The following ABHD13 variants were observed in gnomAD, a reference collection of about 807,000 sequenced individuals.
The protein encoded by ABHD13 is abhydrolase domain containing 13.
A neutral mutation model predicts 25.2 loss-of-function variants in ABHD13; 7 were observed. That is an observed-to-expected ratio of 0.28 (90% confidence interval 0.16 to 0.52). ABHD13 has a LOEUF of 0.52. Ranked by LOEUF, ABHD13 falls within the 20% of genes least tolerant of loss-of-function variation. ABHD13 has a pLI of 0.96. For synonymous variants in ABHD13, 133 were observed against 136.1 expected, an observed-to-expected ratio of 0.98 and a Z score of 0.16; for missense variants, 302 against 402.7, an observed-to-expected ratio of 0.75 and a Z score of 2.14.
At chr13:108,227,692 G>A (rs1879703809) in intron 1 of ABHD13, among the ~76,000 whole-genome samples, 1 of 152,008 alleles carries the variant, frequency 6.6e-6, no homozygotes, top group Non-Finnish European at 1.5e-5. Flanking sequence ...TAACATTTAT[G>A]AATGATCTCA....
rs1879830431 is a variant in ABHD13, at chr13:108,232,569, T to C, written c.*2337T>C. 6.0e-6 allele frequency: 1 copy of C among 166,902 alleles called. No homozygotes were observed. The highest frequency in any genetic ancestry group is 1.5e-5 in the Non-Finnish European group (1 of 68,038). 10.3% of individuals were successfully genotyped at this position (166,902 alleles called of 1,614,324 possible). On this transcript the variant is annotated 3_prime_UTR_variant, in exon 2 of 2. Coordinates refer to ENST00000375898, the MANE Select transcript of ABHD13 (RefSeq NM_032859.3). ...ATGAGACTTCTTCAGGAGTCACTCC[T>C]TTACTGTGGACCCATTGCTTAGTGG...
Position 108,230,452 on chromosome 13 carries a change from ATG to A in ABHD13, c.*222_*223del. ...TTTCATCAAAACTTTCAGTGTGATT[ATG>A]TATTCATATCTTCAGTTTAATATGT... On this transcript the variant is annotated 3_prime_UTR_variant, in exon 2 of 2. Transcript: ENST00000375898. The A allele has an allele frequency of 2.1e-6, 1 of 470,610 alleles. No homozygotes were observed. The highest frequency in any genetic ancestry group is 3.9e-6 in the Non-Finnish European group (1 of 256,376). 29.2% of individuals were successfully genotyped at this position (470,610 alleles called of 1,614,324 possible).
Position 108,231,279 on chromosome 13 carries a change from A to G in ABHD13, c.*1047A>G, listed in dbSNP as rs1224046569. ...GAAAATAAAAGTTACAAAATCCAAC[A>G]ACAACAACAACAAAACAATGTTCTT... is the stretch of plus-strand genomic sequence containing the variant. On this transcript the variant is annotated 3_prime_UTR_variant, in exon 2 of 2. Coordinates refer to ENST00000375898, the MANE Select transcript of ABHD13 (RefSeq NM_032859.3). 1.2e-5 allele frequency: 2 copies of G among 166,782 alleles called. No individual in the cohort carries two copies. The highest frequency in any genetic ancestry group is 2.4e-5 in the African/African-American group (1 of 41,396). The allele number at this position is 166,782 out of a possible 1,614,324, so 10.3% of individuals were successfully genotyped here.
At chr13:108,227,266 A>C in intron 1 of ABHD13, among the ~76,000 whole-genome samples, 1 of 152,240 alleles carries the variant, frequency 6.6e-6, no homozygotes, top group African/African-American at 2.4e-5. Flanking sequence ...TGCTCAGAAT[A>C]CTTTTTTTAA....
intron 1 of ABHD13, among the ~76,000 whole-genome samples, chr13:108,219,535 T>A (rs1879499441): frequency 1.3e-5 from 2 of 152,204 alleles, no homozygotes; most frequent in African/African-American, 4.8e-5. Flanking sequence ...AATATCAAAT[T>A]TTATTTTACT....
In ABHD13 at chr13:108,229,258, T is replaced by C. The variant is rs1338384801; in HGVS notation, c.40T>C (p.Trp14Arg). The C allele has an allele frequency of 5.7e-6, 9 of 1,573,898 alleles. No individual in the cohort carries two copies. The highest frequency in any genetic ancestry group is 7.7e-6 in the Non-Finnish European group (9 of 1,165,940). ...GATGCTGTGGAACTTTGTTGAAAGA[T>C]GGCTAATAGCCTTGGCTTCATGGTC... ...SWMLWNFVERWLIALASWSWA... is the reference protein window; with the variant it reads ...SWMLWNFVERRLIALASWSWA... Residue 14 changes from tryptophan (W) to arginine (R), a missense_variant, in exon 2 of 2, where the codon TGG becomes CGG. Trp to Arg is a moderately radical substitution (Grantham distance 101). Coordinates refer to ENST00000375898, the MANE Select transcript of ABHD13 (RefSeq NM_032859.3). This position sits in a 1 kb window ranked among gnomAD's most constrained non-coding sequence, Gnocchi z 4.7.
chr13:108,228,686 A>C (rs1342527491), intron 1 of ABHD13, among the ~76,000 whole-genome samples: 1 of 151,676 alleles, frequency 6.6e-6, no homozygotes, highest in East Asian at 1.9e-4. Flanking sequence ...AAAGTATATT[A>C]GATTGGTCTT....
Position 108,232,071 on chromosome 13 carries a change from A to G in ABHD13, c.*1839A>G, listed in dbSNP as rs1879816842. On this transcript the variant is annotated 3_prime_UTR_variant, in exon 2 of 2. Coordinates refer to ENST00000375898, the MANE Select transcript of ABHD13 (RefSeq NM_032859.3). ...AATGTATATTTAGACACGAGCTTAC[A>G]TGGCATACCTTATATTTGTATCATT... 1 of 166,532 alleles carries G rather than the reference A, an allele frequency of 6.0e-6. No homozygotes were observed. Among genetic ancestry groups the G allele is most frequent in the Admixed American group, 6.6e-5 (1 of 15,238 alleles). 10.3% of individuals were successfully genotyped at this position (166,532 alleles called of 1,614,324 possible). A position where few individuals can be genotyped will look rare whatever the true frequency, so the allele number is the denominator to read the frequency against.
chr13:108,222,582 C>G (rs1879591288), intron 1 of ABHD13, among the ~76,000 whole-genome samples: 1 of 151,856 alleles, frequency 6.6e-6, no homozygotes, highest in Non-Finnish European at 1.5e-5. Context: ...GTAAAGATCC[C>G]AAAGATTTTT....
At chr13:108,223,299 C>CT (rs1386514651) in intron 1 of ABHD13, among the ~76,000 whole-genome samples, 4 of 152,308 alleles carry the variant, frequency 2.6e-5, no homozygotes, top group Non-Finnish European at 4.4e-5. Context: ...TGCCAAACCT[C>CT]TAAGTCTGAA....
Position 108,233,701 on chromosome 13 carries a change from C to CTA in ABHD13, c.*3482_*3483dup, listed in dbSNP as rs142217345. ...AATGTACTTCTGTTTATTCTTAATA[C>CTA]TATATATATATATACACACATAGTT... On this transcript the variant is annotated 3_prime_UTR_variant, in exon 2 of 2. Transcript: ENST00000375898. The CTA allele has an allele frequency of 8.8e-4, 145 of 164,194 alleles. No homozygotes were observed. The highest frequency in any genetic ancestry group is 2.3e-3 in the Admixed American group (34 of 14,754). 10.2% of individuals were successfully genotyped at this position (164,194 alleles called of 1,614,324 possible). A position where few individuals can be genotyped will look rare whatever the true frequency, so the allele number is the denominator to read the frequency against.
At chr13:108,223,595 C>T (rs917083051) in intron 1 of ABHD13, among the ~76,000 whole-genome samples, 2 of 152,216 alleles carry the variant, frequency 1.3e-5, no homozygotes, top group Non-Finnish European at 2.9e-5. Context: ...GACTCCAACA[C>T]GTGAGGCCAC....
At chr13:108,227,216 C>T (rs372520757) in intron 1 of ABHD13, among the ~76,000 whole-genome samples, 54 of 152,130 alleles carry the variant, frequency 3.5e-4, no homozygotes, top group African/African-American at 1.2e-3. Flanking sequence ...CAAACAAATA[C>T]GCCCATTTTT....
At chr13:108,225,988 A>AATAC (rs1446346593) in intron 1 of ABHD13, among the ~76,000 whole-genome samples, 3 of 152,136 alleles carry the variant, frequency 2.0e-5, no homozygotes, top group African/African-American at 7.2e-5. Flanking sequence ...CCCAACAAAT[A>AATAC]ATACATCTCC....
chr13:108,225,654 T>A (rs1879657519), intron 1 of ABHD13, among the ~76,000 whole-genome samples: 1 of 152,150 alleles, frequency 6.6e-6, no homozygotes, highest in East Asian at 1.9e-4. Context: ...AACCACAGAT[T>A]GGTGGGTTTT....
chr13:108,226,769 A>G (rs542499708), intron 1 of ABHD13, among the ~76,000 whole-genome samples: 14 of 152,134 alleles, frequency 9.2e-5, no homozygotes, highest in Non-Finnish European at 1.8e-4. Context: ...ACTTTCAGCA[A>G]ATTCAGTAAA....
rs1879794182 is a variant in ABHD13, at chr13:108,231,095, A to G, written c.*863A>G. 1 of 166,702 alleles carries G rather than the reference A, an allele frequency of 6.0e-6. No homozygotes were observed. The highest frequency in any genetic ancestry group is 6.6e-5 in the Admixed American group (1 of 15,230). 10.3% of individuals were successfully genotyped at this position (166,702 alleles called of 1,614,324 possible). A position where few individuals can be genotyped will look rare whatever the true frequency, so the allele number is the denominator to read the frequency against. ...TTCAGCTGAACCACTAATAGCAGTC[A>G]TAGTGAAGATTAGCACTACTTAGAA... On this transcript the variant is annotated 3_prime_UTR_variant, in exon 2 of 2. Transcript: ENST00000375898.
intron 1 of ABHD13, among the ~76,000 whole-genome samples, chr13:108,227,093 A>T (rs1879690336): frequency 6.6e-6 from 1 of 152,074 alleles, no homozygotes; most frequent in Non-Finnish European, 1.5e-5. Context: ...GCAACAACTG[A>T]TTGTGAGATT....
intron 1 of ABHD13, 49 bp downstream of exon 1, chr13:108,218,708 C>T (rs1436346007): frequency 6.6e-6 from 1 of 151,412 alleles, no homozygotes; most frequent in Non-Finnish European, 1.5e-5. Context: ...AGCGCCGGTC[C>T]GCTCCTTCTA....
Sources: gnomAD v4.1 joint callset for allele counts (sites outside exome capture counted in the v4.1 genomes callset) on GRCh38, gnomAD v4.1.1 for gene constraint, Gnocchi (gnomAD v3.1) non-coding constraint, MANE v1.5 for transcripts, NCBI Gene and HGNC (gene_info 2026-07-23, HGNC 2026-07-21) for gene names.